FRAS1: variants seen among roughly 807,000 people sequenced by gnomAD.
FRAS1 encodes Fraser extracellular matrix complex subunit 1.
A neutral mutation model predicts 435.2 loss-of-function variants in FRAS1; 290 were observed. That is an observed-to-expected ratio of 0.67 (90% confidence interval 0.61 to 0.73). The LOEUF (loss-of-function observed/expected upper bound fraction) is 0.73. FRAS1 is among the 30% of genes least tolerant of loss of function. The probability of loss-of-function intolerance (pLI) is 0.00; values close to 1 mark genes in which losing one functional copy is unlikely to be tolerated. For missense variants in FRAS1, 4,860 were observed against 5,001.5 expected (o/e 0.97, Z 0.85); for synonymous variants, 1,800 against 1,851.0 (o/e 0.97, Z 0.71).
chr4:78,258,796 G>A (rs1388743421), intron 6 of FRAS1, among the ~76,000 whole-genome samples: 5 of 142,482 alleles, frequency 3.5e-5, no homozygotes, highest in South Asian at 2.3e-4. Flanking sequence ...ATGCTGGTGC[G>A]CTGCACCCAC....
At chr4:78,466,821 T>C (rs369096054) in intron 50 of FRAS1, among the ~76,000 whole-genome samples, 4 of 152,348 alleles carry the variant, frequency 2.6e-5, no homozygotes, top group Non-Finnish European at 2.9e-5. Flanking sequence ...ATTGTTTTTC[T>C]CTTTTTGGAC....
At chr4:78,242,540 A>G (rs1309668189) in intron 3 of FRAS1, among the ~76,000 whole-genome samples, 1 of 152,166 alleles carries the variant, frequency 6.6e-6, no homozygotes, top group African/African-American at 2.4e-5. Context: ...GGTTCAAGTG[A>G]TTCTCCTGCC....
intron 61 of FRAS1, among the ~76,000 whole-genome samples, chr4:78,501,502 A>G (rs986883930): frequency 1.3e-5 from 2 of 152,212 alleles, no homozygotes; most frequent in Admixed American, 6.5e-5. Context: ...TTGCTGGGTC[A>G]AATGGTATTT....
intron 3 of FRAS1, among the ~76,000 whole-genome samples, chr4:78,242,357 G>A (rs916270098): frequency 4.6e-5 from 7 of 152,176 alleles, no homozygotes; most frequent in Non-Finnish European, 1.0e-4. Flanking sequence ...AACAGCATGT[G>A]TTGCTGTTAT....
chr4:78,087,272 T>C (rs932580889), intron 2 of FRAS1, among the ~76,000 whole-genome samples: 1 of 151,754 alleles, frequency 6.6e-6, no homozygotes, highest in East Asian at 1.9e-4. Context: ...ATGGAGCGTA[T>C]CTCAAAATAA....
At chr4:78,185,842 A>G (rs1722246696) in intron 2 of FRAS1, among the ~76,000 whole-genome samples, 2 of 152,164 alleles carry the variant, frequency 1.3e-5, no homozygotes, top group African/African-American at 4.8e-5. Context: ...CTCTTGTCCT[A>G]TCCTAATAAC....
chr4:78,172,390 T>C (rs1560562533), intron 2 of FRAS1, among the ~76,000 whole-genome samples: 1 of 152,186 alleles, frequency 6.6e-6, no homozygotes, highest in Non-Finnish European at 1.5e-5. Context: ...AGATATGACA[T>C]GAACAGTGTT....
chr4:78,267,526 A>G, intron 9 of FRAS1, 94 bp downstream of exon 9: 3 of 1,169,022 alleles, frequency 2.6e-6, no homozygotes, highest in Non-Finnish European at 3.6e-6. Flanking sequence ...TGGCAGCAGC[A>G]GGGATGTCCA....
intron 1 of FRAS1, 30 bp downstream of exon 1, chr4:78,058,115 T>C (rs367976690): frequency 2.2e-5 from 35 of 1,572,982 alleles, no homozygotes; most frequent in Non-Finnish European, 3.0e-5. Context: ...TGTGTGTGTG[T>C]GTGTGCGTGT....
chr4:78,317,701 G>A (rs543065901), intron 17 of FRAS1, among the ~76,000 whole-genome samples, 193 bp downstream of exon 17: 1 of 152,124 alleles, frequency 6.6e-6, no homozygotes, highest in Non-Finnish European at 1.5e-5. Context: ...TTGAAAATTT[G>A]TGAAGACACT....
At chr4:78,079,270 T>TA (rs2109872538) in intron 2 of FRAS1, among the ~76,000 whole-genome samples, 1 of 152,006 alleles carries the variant, frequency 6.6e-6, no homozygotes, top group African/African-American at 2.4e-5. Flanking sequence ...AGCTTGTAAG[T>TA]AGAGGGTAAG....
intron 57 of FRAS1, among the ~76,000 whole-genome samples, 173 bp downstream of exon 57, chr4:78,482,137 A>T (rs961644608): frequency 1.3e-5 from 2 of 151,688 alleles, no homozygotes; most frequent in African/African-American, 2.4e-5. Flanking sequence ...TCTTCTAAAA[A>T]CTCTCCTAGT....
intron 56 of FRAS1, among the ~76,000 whole-genome samples, chr4:78,480,760 TGCTGGCAGAGGGGCAA>T (rs952044650): frequency 6.6e-6 from 1 of 152,236 alleles, no homozygotes; most frequent in Non-Finnish European, 1.5e-5. Flanking sequence ...GCAGATATAC[TGCTGGCAGAGGGGCAA>T]CAGCTGTGCT....
chr4:78,156,713 C>T (rs1005872726), intron 2 of FRAS1, among the ~76,000 whole-genome samples: 1 of 152,150 alleles, frequency 6.6e-6, no homozygotes, highest in African/African-American at 2.4e-5. Context: ...TTGAATGATT[C>T]TAAGTGTTAC....
intron 33 of FRAS1, among the ~76,000 whole-genome samples, chr4:78,421,452 T>A (rs1733785842): frequency 6.6e-6 from 1 of 152,148 alleles, no homozygotes; most frequent in Non-Finnish European, 1.5e-5. Flanking sequence ...CCAGCCTCCC[T>A]GCCTTATATT....
chr4:78,146,410 C>T (rs1720422746), intron 2 of FRAS1, among the ~76,000 whole-genome samples: 1 of 152,086 alleles, frequency 6.6e-6, no homozygotes, highest in African/African-American at 2.4e-5. Context: ...GCACATACCC[C>T]ATGCATCTTT....
chr4:78,293,438 A>G (rs1478991777), intron 14 of FRAS1, among the ~76,000 whole-genome samples: 4 of 152,182 alleles, frequency 2.6e-5, no homozygotes, highest in African/African-American at 9.7e-5. Context: ...TTTGGCTTCC[A>G]CTATTTGCTC....
chr4:78,470,052 C>T lies in FRAS1; in HGVS notation c.7332C>T (p.Thr2444=), dbSNP rs1719655406. The part of the protein sequence containing the change: ...PVDDGTPRIV[T]NLGLQWLEYM... ...ATGATGGCACGCCTAGAATTGTCAC[C>T]AACCTGGGACTCCAGTGGCTGGAAT... Residue 2444 remains threonine, a synonymous_variant, in exon 51 of 74, where the codon ACC becomes ACT. Transcript: ENST00000512123. 2.5e-6 allele frequency: 4 copies of T among 1,613,542 alleles called. No individual in the cohort carries two copies. Among genetic ancestry groups the T allele is most frequent in the Non-Finnish European group, 3.4e-6 (4 of 1,179,680 alleles).
intron 56 of FRAS1, among the ~76,000 whole-genome samples, chr4:78,480,975 T>G (rs4975127): frequency 0.98 from 149,974 of 152,362 alleles, 73,829 homozygotes; most frequent in East Asian, 1. Flanking sequence ...GAGGCCTGGA[T>G]AGGTTAAGTC....
Sources: allele counts gnomAD v4.1 joint callset (sites outside exome capture counted in the v4.1 genomes callset), GRCh38; gene constraint gnomAD v4.1.1; transcripts MANE v1.5; gene names NCBI Gene and HGNC (gene_info 2026-07-23, HGNC 2026-07-21).